The following FAM193A variants were observed in gnomAD, a reference collection of about 807,000 sequenced individuals.
FAM193A encodes family with sequence similarity 193 member A.
FAM193A carries 22 observed loss-of-function variants against 126.5 expected under a neutral mutation model. That is an observed-to-expected ratio of 0.17 (90% CI 0.12 to 0.25). The LOEUF is 0.25. FAM193A is among the 10% of genes least tolerant of loss of function. The probability of loss-of-function intolerance (pLI) is 1.00; values close to 1 mark genes in which losing one functional copy is unlikely to be tolerated. For missense variants in FAM193A, 1,675 were observed against 1,672.8 expected (o/e 1.00, Z -0.02); for synonymous variants, 761 against 646.8 (o/e 1.18, Z -2.68).
At chr4:2,642,898 A>G (rs1157975560) in intron 6 of FAM193A, among the ~76,000 whole-genome samples, 2 of 151,746 alleles carry the variant, frequency 1.3e-5, no homozygotes, top group Non-Finnish European at 2.9e-5. Context: ...ACACCCGGCT[A>G]ATTTTTTTTT....
At chr4:2,691,686 TC>T (rs761288661) in intron 15 of FAM193A, among the ~76,000 whole-genome samples, 100 of 150,330 alleles carry the variant, frequency 6.7e-4, no homozygotes, top group Non-Finnish European at 1.1e-3. Context: ...GTGTGGTAGC[TC>T]CCAGCACTTT....
intron 1 of FAM193A, among the ~76,000 whole-genome samples, chr4:2,580,606 G>C (rs2108877468): frequency 1.3e-5 from 2 of 152,302 alleles, no homozygotes; most frequent in Middle Eastern, 3.4e-3. Context: ...TAATGAATGA[G>C]TTCTTGCTCT....
chr4:2,704,254 T>C (rs967490989), intron 19 of FAM193A, among the ~76,000 whole-genome samples: 4 of 108,528 alleles, frequency 3.7e-5, no homozygotes, highest in African/African-American at 1.1e-4. Flanking sequence ...AGAGTGAGAC[T>C]CCATCTCAAA....
intron 13 of FAM193A, among the ~76,000 whole-genome samples, chr4:2,676,062 A>G (rs1714370504): frequency 6.6e-6 from 1 of 152,234 alleles, no homozygotes; most frequent in Admixed American, 6.5e-5. Context: ...TACATTAGCT[A>G]CTATGAACAG....
At chr4:2,581,280 G>A (rs1739921051) in intron 1 of FAM193A, among the ~76,000 whole-genome samples, 1 of 141,524 alleles carries the variant, frequency 7.1e-6, no homozygotes, top group South Asian at 2.2e-4. Flanking sequence ...TGGAGGTGGA[G>A]TCTCACTCTG....
chr4:2,612,581 A>G (rs1425700734), intron 2 of FAM193A, among the ~76,000 whole-genome samples: 2 of 152,210 alleles, frequency 1.3e-5, no homozygotes, highest in African/African-American at 4.8e-5. Flanking sequence ...ATTTAGGTCT[A>G]TGAGCCACCT....
intron 4 of FAM193A, 80 bp from the exon 5 acceptor site, chr4:2,630,855 C>A: frequency 1.3e-6 from 1 of 779,840 alleles, no homozygotes. Context: ...TGTGGAAGGG[C>A]TTCAGAAAAG....
intron 19 of FAM193A, among the ~76,000 whole-genome samples, chr4:2,703,003 A>G (rs1232614640): frequency 2.0e-5 from 3 of 151,854 alleles, no homozygotes; most frequent in African/African-American, 4.8e-5. Flanking sequence ...CACTCCCTGT[A>G]GGTAACTAAT....
chr4:2,599,817 A>G (rs1003259067), intron 2 of FAM193A, among the ~76,000 whole-genome samples: 7 of 150,116 alleles, frequency 4.7e-5, no homozygotes, highest in African/African-American at 9.8e-5. Flanking sequence ...GCTCACTACA[A>G]CCTCACTTCC....
At chr4:2,704,768 G>C (rs1443543438) in intron 19 of FAM193A, among the ~76,000 whole-genome samples, 2 of 151,950 alleles carry the variant, frequency 1.3e-5, no homozygotes, top group African/African-American at 2.4e-5. Context: ...CCTCAGTGTA[G>C]TTTTCATTTG....
At chr4:2,727,174 G>A (rs1397975538) in intron 20 of FAM193A, among the ~76,000 whole-genome samples, 2 of 151,750 alleles carry the variant, frequency 1.3e-5, no homozygotes, top group Non-Finnish European at 2.9e-5. Flanking sequence ...CAGGAGAATC[G>A]CTTGAACCCC....
chr4:2,686,649 G>A (rs1369056847), intron 13 of FAM193A, among the ~76,000 whole-genome samples: 2 of 152,196 alleles, frequency 1.3e-5, no homozygotes, highest in Non-Finnish European at 2.9e-5. Context: ...TCTCAGCCAG[G>A]CTTTTCAAAC....
At chr4:2,628,739 C>T (rs1187057448) in intron 4 of FAM193A, among the ~76,000 whole-genome samples, 2 of 152,184 alleles carry the variant, frequency 1.3e-5, no homozygotes, top group African/African-American at 2.4e-5. Flanking sequence ...AACATTGCAA[C>T]TTCAGTACTT....
intron 1 of FAM193A, among the ~76,000 whole-genome samples, chr4:2,553,396 T>C (rs1251716427): frequency 1.3e-5 from 2 of 150,794 alleles, no homozygotes; most frequent in Non-Finnish European, 1.5e-5. Flanking sequence ...TTTTTTTTTT[T>C]TTTGAGGCGG....
intron 1 of FAM193A, among the ~76,000 whole-genome samples, chr4:2,584,178 T>A (rs893636768): frequency 6.6e-5 from 10 of 152,200 alleles, no homozygotes; most frequent in Admixed American, 3.9e-4. Context: ...TCCATATTCA[T>A]ATCCAGTTGT....
intron 19 of FAM193A, among the ~76,000 whole-genome samples, chr4:2,710,996 C>T (rs565614479): frequency 6.6e-6 from 1 of 151,812 alleles, no homozygotes; most frequent in East Asian, 2.0e-4. Context: ...GGACTACAGG[C>T]GCCCACCACC....
chr4:2,658,121 C>T (rs894221887), intron 8 of FAM193A, among the ~76,000 whole-genome samples: 2 of 152,198 alleles, frequency 1.3e-5, no homozygotes, highest in African/African-American at 2.4e-5. Context: ...AGTGGCCTCT[C>T]TATCCCACAG....
Position 2,639,729 on chromosome 4 carries a change from A to C in FAM193A, c.1039-6A>C, listed in dbSNP as rs1744429394. On this transcript the variant is annotated splice_polypyrimidine_tract_variant and splice_region_variant and intron_variant, in intron 5 of 20. Transcript: ENST00000637812. ...TTCTGTTTATCTTTTACTTTTTCTT[A>C]ACCAGGAAAATGAACACTTGAAAAA... 1.9e-6 allele frequency: 3 copies of C among 1,605,806 alleles called. No individual in the cohort carries two copies. The highest frequency in any genetic ancestry group is 2.6e-6 in the Non-Finnish European group (3 of 1,175,540).
chr4:2,594,734 C>T (rs962053152), intron 1 of FAM193A, among the ~76,000 whole-genome samples: 3 of 151,746 alleles, frequency 2.0e-5, no homozygotes, highest in South Asian at 2.1e-4. Flanking sequence ...GTGTCTCCCC[C>T]GACACACACA....
Sources: allele counts gnomAD v4.1 joint callset (sites outside exome capture counted in the v4.1 genomes callset), GRCh38; gene constraint gnomAD v4.1.1; transcripts MANE v1.5; gene names NCBI Gene and HGNC (gene_info 2026-07-23, HGNC 2026-07-21).